LDB2: variants seen among roughly 807,000 people sequenced by gnomAD.
LDB2 encodes LIM domain-binding protein 2.
A neutral mutation model predicts 44.3 loss-of-function variants in LDB2; 12 were observed. The observed-to-expected ratio is 0.27, with a 90% CI of 0.17 to 0.44. The LOEUF (loss-of-function observed/expected upper bound fraction) is 0.44, where lower values mean the gene tolerates loss of function less well. LDB2 is among the 20% of genes least tolerant of loss of function. The pLI is 1.00. For synonymous variants in LDB2, 164 were observed against 174.8 expected, an observed-to-expected ratio of 0.94 and a Z score of 0.49; for missense variants, 344 against 473.5, an observed-to-expected ratio of 0.73 and a Z score of 2.54.
At chr4:16,867,071 C>T (rs965749511) in intron 1 of LDB2, among the ~76,000 whole-genome samples, 4 of 152,172 alleles carry the variant, frequency 2.6e-5, no homozygotes, top group South Asian at 2.1e-4. Context: ...CACAGCGTCT[C>T]TCAGAGGCTT....
intron 1 of LDB2, among the ~76,000 whole-genome samples, chr4:16,836,211 G>A (rs1348225706): frequency 1.3e-5 from 2 of 152,146 alleles, no homozygotes; most frequent in Non-Finnish European, 2.9e-5. Context: ...AGAGAGAGGT[G>A]GCTTTCCATT....
intron 5 of LDB2, among the ~76,000 whole-genome samples, chr4:16,552,555 C>T (rs113900669): frequency 1.0e-3 from 157 of 152,134 alleles, no homozygotes; most frequent in African/African-American, 3.4e-3. Context: ...TCTAAAATGA[C>T]GCTTATTACT....
At chr4:16,719,084 G>A (rs201435787) in intron 2 of LDB2, among the ~76,000 whole-genome samples, 9 of 148,198 alleles carry the variant, frequency 6.1e-5, no homozygotes, top group Non-Finnish European at 4.5e-5. Context: ...TGCAAAAGAA[G>A]AAAAAAAAAA....
At chr4:16,757,721 G>A (rs562938509) in intron 2 of LDB2, among the ~76,000 whole-genome samples, 5 of 151,992 alleles carry the variant, frequency 3.3e-5, no homozygotes, top group Admixed American at 6.6e-5. Context: ...AGTAATTGTC[G>A]GACTGCTGAG....
At chr4:16,545,119 C>G (rs537241869) in intron 5 of LDB2, among the ~76,000 whole-genome samples, 79 of 151,812 alleles carry the variant, frequency 5.2e-4, no homozygotes, top group African/African-American at 1.9e-3. Context: ...CTCCTTCCTC[C>G]CTCCCTCCCG....
intron 2 of LDB2, among the ~76,000 whole-genome samples, chr4:16,729,457 A>G (rs1760259046): frequency 6.6e-6 from 1 of 152,212 alleles, no homozygotes; most frequent in South Asian, 2.1e-4. Flanking sequence ...TGAAAAGAAA[A>G]AAAAGTACAA....
chr4:16,756,360 A>T (rs530772888), intron 2 of LDB2, among the ~76,000 whole-genome samples: 1 of 152,254 alleles, frequency 6.6e-6, no homozygotes, highest in Non-Finnish European at 1.5e-5. Context: ...AGGCTAAGTC[A>T]GGAGGATCAC....
At chr4:16,842,157 T>C (rs1238190525) in intron 1 of LDB2, among the ~76,000 whole-genome samples, 2 of 152,184 alleles carry the variant, frequency 1.3e-5, no homozygotes, top group African/African-American at 4.8e-5. Context: ...AGTCAACAGA[T>C]ATAAAGCATA....
intron 2 of LDB2, among the ~76,000 whole-genome samples, chr4:16,596,875 A>G (rs1333707684): frequency 6.6e-6 from 1 of 152,088 alleles, no homozygotes; most frequent in African/African-American, 2.4e-5. Context: ...GGAAATCCCA[A>G]CTCATAATAT....
At chr4:16,648,002 C>T (rs1311747176) in intron 2 of LDB2, among the ~76,000 whole-genome samples, 4 of 152,198 alleles carry the variant, frequency 2.6e-5, no homozygotes, top group Non-Finnish European at 5.9e-5. Flanking sequence ...CTAATCATTG[C>T]TCACTAGTCT....
At chr4:16,561,284 G>C (rs1334375586) in intron 5 of LDB2, among the ~76,000 whole-genome samples, 1 of 152,180 alleles carries the variant, frequency 6.6e-6, no homozygotes, top group Admixed American at 6.5e-5. Context: ...AATTGTCCCT[G>C]TTTGCAGATG....
At chr4:16,681,200 T>C (rs1271496234) in intron 2 of LDB2, among the ~76,000 whole-genome samples, 1 of 152,200 alleles carries the variant, frequency 6.6e-6, no homozygotes, top group Non-Finnish European at 1.5e-5. Flanking sequence ...CAGAGAGATT[T>C]TAATTGTTCA....
chr4:16,752,347 C>T (rs1306466071), intron 2 of LDB2: 3 of 415,978 alleles, frequency 7.2e-6, no homozygotes, highest in East Asian at 7.5e-5. Flanking sequence ...ATGAAAATCT[C>T]ACCCTCTGTT....
intron 2 of LDB2, among the ~76,000 whole-genome samples, chr4:16,742,429 T>G (rs2109026198): frequency 6.6e-6 from 1 of 152,260 alleles, no homozygotes; most frequent in East Asian, 1.9e-4. Flanking sequence ...CTCCAGCTGG[T>G]TTAATGTGTA....
chr4:16,641,241 G>C (rs1735067506), intron 2 of LDB2, among the ~76,000 whole-genome samples: 2 of 152,052 alleles, frequency 1.3e-5, no homozygotes, highest in South Asian at 4.1e-4. Context: ...GTAGGAAACT[G>C]GTATTTCACA....
intron 1 of LDB2, among the ~76,000 whole-genome samples, chr4:16,831,971 GAAA>G (rs1784142098): frequency 6.6e-6 from 1 of 152,154 alleles, no homozygotes; most frequent in Non-Finnish European, 1.5e-5. Flanking sequence ...CAGAAATCAG[GAAA>G]GATGCCTTTG....
At chr4:16,815,927 G>A (rs1295892782) in intron 1 of LDB2, among the ~76,000 whole-genome samples, 1 of 152,190 alleles carries the variant, frequency 6.6e-6, no homozygotes, top group Non-Finnish European at 1.5e-5. Flanking sequence ...ATTACTTCAG[G>A]CCAGGCACGG....
At chr4:16,864,153 CTTTAT>C (rs1486068468) in intron 1 of LDB2, among the ~76,000 whole-genome samples, 2 of 152,146 alleles carry the variant, frequency 1.3e-5, no homozygotes, top group Admixed American at 1.3e-4. Context: ...AGCAAAAACC[CTTTAT>C]TTTATTAAGG....
chr4:16,766,373 T>A (rs77931447), intron 1 of LDB2, among the ~76,000 whole-genome samples: 6,136 of 151,856 alleles, frequency 0.04, 190 homozygotes, highest in Non-Finnish European at 0.059. Context: ...ATCCAATTTA[T>A]ATATACACAT....
Sources: allele counts gnomAD v4.1 joint callset (sites outside exome capture counted in the v4.1 genomes callset), GRCh38; gene constraint gnomAD v4.1.1; transcripts MANE v1.5; gene names NCBI Gene and HGNC (gene_info 2026-07-23, HGNC 2026-07-21).